Variants in CEP112 observed in about 807,000 individuals in gnomAD.
CEP112 encodes centrosomal protein 112.
Under a neutral mutation model 153.0 loss-of-function variants are expected in CEP112, and 127 were observed. That is an observed-to-expected ratio of 0.83 (90% confidence interval 0.72 to 0.96). The LOEUF (loss-of-function observed/expected upper bound fraction) is 0.96, where lower values mean the gene tolerates loss of function less well. Ranked by LOEUF, CEP112 falls within the 40% of genes least tolerant of loss-of-function variation. The pLI, the probability that CEP112 is intolerant of heterozygous loss-of-function variation, is 0.00. For synonymous variants in CEP112, 358 were observed against 374.4 expected (o/e 0.96, Z 0.51); for missense variants, 1,089 against 1,101.2 (o/e 0.99, Z 0.16).
chr17:65,747,792 T>A (rs2051566049), intron 22 of CEP112, among the ~76,000 whole-genome samples: 1 of 152,160 alleles, frequency 6.6e-6, no homozygotes, highest in Non-Finnish European at 1.5e-5. Flanking sequence ...AAAGTTTCAG[T>A]GTACACGGTC....
In CEP112 at chr17:66,175,219, G is replaced by GA. The variant is rs1293463451; in HGVS notation, c.298-4dup. ...TTTGGTTCATCAAAATAGATGGACT[G>GA]ATTTTTTAAAATTAGAAAAATTATT... On this transcript the variant is annotated splice_polypyrimidine_tract_variant and splice_region_variant and intron_variant, in intron 3 of 26. Transcript: ENST00000535342. The GA allele has an allele frequency of 6.6e-7, 1 of 1,522,190 alleles. No homozygotes were observed. 94.3% of individuals were successfully genotyped at this position (1,522,190 alleles called of 1,614,324 possible).
rs370392227 is a variant in CEP112, at chr17:66,135,923, CT to C, written c.471-3161del. 6.3e-4 allele frequency among the ~76,000 whole-genome samples: 96 copies of C among 152,130 alleles called. 5 individuals carry two copies. The South Asian group carries it at 0.018, about 29-fold the overall frequency. The stretch of plus-strand genomic sequence containing the variant: ...AATGTCCTCCTGTAAAAGAAAATTA[CT>C]TTAGGGGGTGACGTCAGATGTCAGC... On this transcript the variant is annotated intron_variant, in intron 4 of 26. Transcript: ENST00000535342.
At chr17:65,963,842 T>A (rs11869568) in intron 17 of CEP112, among the ~76,000 whole-genome samples, 1 of 151,992 alleles carries the variant, frequency 6.6e-6, no homozygotes, top group African/African-American at 2.4e-5. Flanking sequence ...CTATTTATCT[T>A]TTCATATCCC....
At chr17:65,789,518 C>T (rs1411114555) in intron 21 of CEP112, among the ~76,000 whole-genome samples, 2 of 152,168 alleles carry the variant, frequency 1.3e-5, no homozygotes, top group Non-Finnish European at 2.9e-5. Flanking sequence ...AGGACTTTAC[C>T]TCTCCAGCTT....
chr17:65,650,812 G>A (rs536984701), intron 24 of CEP112, among the ~76,000 whole-genome samples: 11 of 151,288 alleles, frequency 7.3e-5, no homozygotes, highest in South Asian at 4.2e-4. Context: ...GGAGGCTGAC[G>A]CAGGAGAATC....
intron 21 of CEP112, among the ~76,000 whole-genome samples, chr17:65,807,502 A>G (rs2055679537): frequency 6.6e-6 from 1 of 152,194 alleles, no homozygotes; most frequent in African/African-American, 2.4e-5. Context: ...AGGGCATGTT[A>G]AAGACCTTTG....
At chr17:65,807,819 G>A (rs541549868) in intron 21 of CEP112, among the ~76,000 whole-genome samples, 7 of 152,348 alleles carry the variant, frequency 4.6e-5, no homozygotes, top group Non-Finnish European at 1.0e-4. Context: ...TGTTGCAGGG[G>A]CAAAGCCCTC....
chr17:65,836,065 T>C (rs2057294991), intron 21 of CEP112, among the ~76,000 whole-genome samples: 1 of 152,206 alleles, frequency 6.6e-6, no homozygotes, highest in Non-Finnish European at 1.5e-5. Flanking sequence ...TAACCTCTTA[T>C]AACTAAAAGA....
At chr17:66,120,711 C>T (rs2069536175) in intron 6 of CEP112, among the ~76,000 whole-genome samples, 1 of 151,976 alleles carries the variant, frequency 6.6e-6, no homozygotes, top group Admixed American at 6.5e-5. Flanking sequence ...ATGATATCTT[C>T]TCTTTCATTC....
chr17:65,997,394 A>G (rs2063829224), intron 17 of CEP112, among the ~76,000 whole-genome samples: 1 of 152,158 alleles, frequency 6.6e-6, no homozygotes, highest in South Asian at 2.1e-4. Context: ...TCCATTTATT[A>G]TATGAAATAC....
intron 12 of CEP112, among the ~76,000 whole-genome samples, chr17:66,040,522 TGC>T (rs2065927799): frequency 6.8e-6 from 1 of 146,964 alleles, no homozygotes. Flanking sequence ...GACAGAGTCT[TGC>T]TGTGCTCTGT....
chr17:65,863,045 G>A (rs954256223), intron 20 of CEP112, among the ~76,000 whole-genome samples: 2 of 151,940 alleles, frequency 1.3e-5, no homozygotes, highest in Admixed American at 6.5e-5. Context: ...ATTATGTATT[G>A]TTAATATTAA....
chr17:66,169,688 G>A (rs935060050), intron 4 of CEP112, among the ~76,000 whole-genome samples: 4 of 151,972 alleles, frequency 2.6e-5, no homozygotes, highest in Non-Finnish European at 5.9e-5. Flanking sequence ...GGACACAGAA[G>A]GATTGTGACT....
intron 12 of CEP112, among the ~76,000 whole-genome samples, chr17:66,041,823 G>A (rs187840443): frequency 1.3e-5 from 2 of 152,184 alleles, no homozygotes; most frequent in African/African-American, 2.4e-5. Context: ...GATAAATAAG[G>A]AGAAAAAGTC....
intron 21 of CEP112, among the ~76,000 whole-genome samples, chr17:65,807,514 G>A (rs2055680709): frequency 6.6e-6 from 1 of 152,178 alleles, no homozygotes; most frequent in Non-Finnish European, 1.5e-5. Context: ...AGACCTTTGT[G>A]GCAGCCCCTC....
chr17:66,164,129 A>G (rs974427297), intron 4 of CEP112, among the ~76,000 whole-genome samples: 8 of 152,248 alleles, frequency 5.3e-5, no homozygotes, highest in Admixed American at 5.2e-4. Flanking sequence ...AAGAGGTTTT[A>G]TATGTGTGAA....
chr17:65,827,801 G>A (rs959908457), intron 21 of CEP112, among the ~76,000 whole-genome samples: 1 of 152,054 alleles, frequency 6.6e-6, no homozygotes, highest in Admixed American at 6.6e-5. Context: ...CTTGCATTAG[G>A]GTCTCTGCAC....
intron 8 of CEP112, among the ~76,000 whole-genome samples, chr17:66,091,805 T>A (rs2068141602): frequency 6.6e-6 from 1 of 151,616 alleles, no homozygotes; most frequent in South Asian, 2.1e-4. Flanking sequence ...AAGAAAAAAA[T>A]AAGAGAAGAC....
intron 21 of CEP112, among the ~76,000 whole-genome samples, chr17:65,841,413 T>C (rs563823288): frequency 6.6e-6 from 1 of 152,176 alleles, no homozygotes; most frequent in South Asian, 2.1e-4. Flanking sequence ...AGACAAATAT[T>C]GCATGTTTTC....
Sources: allele counts gnomAD v4.1 joint callset (sites outside exome capture counted in the v4.1 genomes callset), GRCh38; gene constraint gnomAD v4.1.1; transcripts MANE v1.5; gene names NCBI Gene and HGNC (gene_info 2026-07-23, HGNC 2026-07-21).